GRIA1: variants seen among roughly 807,000 people sequenced by gnomAD.
The protein encoded by GRIA1 is glutamate ionotropic receptor AMPA type subunit 1.
A neutral mutation model predicts 99.2 loss-of-function variants in GRIA1; 31 were observed. That is an observed-to-expected ratio of 0.31 (90% CI 0.23 to 0.42). The LOEUF (loss-of-function observed/expected upper bound fraction) is 0.42. Ranked by LOEUF, GRIA1 falls within the 10% of genes least tolerant of loss-of-function variation. GRIA1 has a pLI of 1.00. For synonymous variants in GRIA1, 438 were observed against 432.4 expected (o/e 1.01, Z -0.16); for missense variants, 782 against 1,157.5 (o/e 0.68, Z 4.71).
intron 2 of GRIA1, among the ~76,000 whole-genome samples, chr5:153,636,407 A>G (rs1337832981): frequency 1.3e-5 from 2 of 152,244 alleles, no homozygotes; most frequent in Non-Finnish European, 1.5e-5. Flanking sequence ...GGCCAAAGCC[A>G]GCCCAAGGCC....
At chr5:153,748,814 T>C (rs1171255473) in intron 11 of GRIA1, among the ~76,000 whole-genome samples, 1 of 152,172 alleles carries the variant, frequency 6.6e-6, no homozygotes, top group Non-Finnish European at 1.5e-5. Flanking sequence ...CTTCTATTTA[T>C]TTGCACATTT....
intron 2 of GRIA1, among the ~76,000 whole-genome samples, chr5:153,529,004 G>A (rs1390894938): frequency 1.3e-5 from 2 of 152,188 alleles, no homozygotes; most frequent in Non-Finnish European, 2.9e-5. Flanking sequence ...TTGATTAGTG[G>A]TATCCTGACT....
chr5:153,673,781 A>G (rs1029346238), intron 5 of GRIA1, among the ~76,000 whole-genome samples: 3 of 152,248 alleles, frequency 2.0e-5, no homozygotes, highest in Admixed American at 1.3e-4. Flanking sequence ...TTCCTTTTAC[A>G]GTCGAAGCCT....
intron 2 of GRIA1, among the ~76,000 whole-genome samples, chr5:153,578,148 CAAAAAAAAAA>C (rs60901793): frequency 2.9e-4 from 20 of 69,322 alleles, no homozygotes; most frequent in South Asian, 2.7e-3. Flanking sequence ...GAGACTCTGT[CAAAAAAAAAA>C]AAAAAAAAAA....
chr5:153,540,362 GCCCTGGATT>G (rs1468210564), intron 2 of GRIA1, among the ~76,000 whole-genome samples: 1 of 152,212 alleles, frequency 6.6e-6, no homozygotes, highest in Admixed American at 6.5e-5. Flanking sequence ...TATCCTGGAT[GCCCTGGATT>G]GAGATCTGAG....
At chr5:153,586,438 C>A (rs1465726753) in intron 2 of GRIA1, among the ~76,000 whole-genome samples, 2 of 152,206 alleles carry the variant, frequency 1.3e-5, no homozygotes, top group Non-Finnish European at 2.9e-5. Flanking sequence ...CAAGCTCACA[C>A]AGTCAGTGCA....
chr5:153,798,914 C>G (rs988509118), intron 14 of GRIA1, among the ~76,000 whole-genome samples: 1 of 152,124 alleles, frequency 6.6e-6, no homozygotes, highest in Non-Finnish European at 1.5e-5. Flanking sequence ...TTAAGGAGAA[C>G]AGATGAGTGG....
intron 2 of GRIA1, among the ~76,000 whole-genome samples, chr5:153,571,557 A>T (rs1360822122): frequency 6.6e-6 from 1 of 152,214 alleles, no homozygotes; most frequent in Admixed American, 6.5e-5. Context: ...TAAAAATGTT[A>T]AAACTATACA....
intron 15 of GRIA1, among the ~76,000 whole-genome samples, chr5:153,805,239 T>G (rs2149676640): frequency 6.6e-6 from 1 of 152,348 alleles, no homozygotes; most frequent in Non-Finnish European, 1.5e-5. Flanking sequence ...AGTGGCCAGA[T>G]ACATCCTCCT....
intron 2 of GRIA1, among the ~76,000 whole-genome samples, chr5:153,523,855 CACCAGCCACTCT>C (rs1757375282): frequency 6.6e-6 from 1 of 152,168 alleles, no homozygotes; most frequent in Non-Finnish European, 1.5e-5. Flanking sequence ...TATTAGTAAT[CACCAGCCACTCT>C]TACTGCATGC....
Position 153,677,038 on chromosome 5 carries a change from G to T in GRIA1, c.906G>T (p.Glu302Asp). 6.4e-7 allele frequency: 1 copy of T among 1,566,994 alleles called. No individual in the cohort carries two copies. The highest frequency in any genetic ancestry group is 8.7e-7 in the Non-Finnish European group (1 of 1,152,066). The change falls in exon 7 of 16, where the codon GAG (glutamate) becomes GAT (aspartate). Residue 302 changes from glutamate (E) to aspartate (D), a missense_variant. Transcript: ENST00000285900. The stretch of plus-strand genomic sequence containing the variant: ...ACGATGGGGTGAAGGTGATGGCTGA[G>T]GCTTTCCAGAGCCTGCGGAGGCAGA... Reference protein sequence around the residue: ...LTYDGVKVMAEAFQSLRRQRI... With the variant: ...LTYDGVKVMADAFQSLRRQRI...
chr5:153,537,516 TG>T (rs1226479163), intron 2 of GRIA1, among the ~76,000 whole-genome samples: 1 of 152,218 alleles, frequency 6.6e-6, no homozygotes, highest in African/African-American at 2.4e-5. Flanking sequence ...GGTCCCTTTC[TG>T]CGCTGCTGCC....
chr5:153,735,806 A>C (rs1459104348), intron 11 of GRIA1, among the ~76,000 whole-genome samples: 3 of 152,196 alleles, frequency 2.0e-5, no homozygotes, highest in African/African-American at 7.2e-5. Context: ...GAGAACAGTT[A>C]ATGTTTTAGG....
At position 153,507,764 on chromosome 5, in the gene GRIA1, C is replaced by G. The variant is rs552100927; in HGVS notation, c.220+13699C>G. 8.5e-5 allele frequency among the ~76,000 whole-genome samples: 13 copies of G among 152,296 alleles called. 1 individual carries two copies. Among genetic ancestry groups the G allele is most frequent in the African/African-American group, 3.1e-4 (13 of 41,566 alleles). Reference sequence around the variant, plus strand: ...TCTTGTCTCAAAAAAATATCAGTGGCTTCCCATCTTATTTTAAGTTCAAAC... The same window carrying G: ...TCTTGTCTCAAAAAAATATCAGTGGGTTCCCATCTTATTTTAAGTTCAAAC... On this transcript the variant is annotated intron_variant, in intron 2 of 15. Coordinates refer to ENST00000285900, the MANE Select transcript of GRIA1 (RefSeq NM_000827.4).
chr5:153,811,411 T>C lies in GRIA1; in HGVS notation c.*186T>C, dbSNP rs1766814066. 5.2e-6 allele frequency: 3 copies of C among 571,462 alleles called. No homozygotes were observed. Among genetic ancestry groups the C allele is most frequent in the African/African-American group, 1.9e-5 (1 of 53,290 alleles). 35.4% of individuals were successfully genotyped at this position (571,462 alleles called of 1,614,324 possible). ...CCATTTTGCTGTCCCTTTTCCTTTT[T>C]TGATGTTCTTTCACCCTTTTCTGTT... On this transcript the variant is annotated 3_prime_UTR_variant, in exon 16 of 16. Coordinates refer to ENST00000285900, the MANE Select transcript of GRIA1 (RefSeq NM_000827.4).
At chr5:153,500,830 G>A (rs1398198445) in intron 2 of GRIA1, among the ~76,000 whole-genome samples, 9 of 152,114 alleles carry the variant, frequency 5.9e-5, no homozygotes, top group African/African-American at 2.2e-4. Context: ...GTTTGATGCA[G>A]TAAATAGCAT....
At chr5:153,642,588 A>T (rs1232287439) in intron 2 of GRIA1, among the ~76,000 whole-genome samples, 1 of 151,132 alleles carries the variant, frequency 6.6e-6, no homozygotes, top group Non-Finnish European at 1.5e-5. Context: ...GTGAGCCATG[A>T]TGGCACCACT....
chr5:153,605,004 C>T (rs137876969), intron 2 of GRIA1, among the ~76,000 whole-genome samples: 59 of 152,074 alleles, frequency 3.9e-4, no homozygotes, highest in East Asian at 3.1e-3. Flanking sequence ...CTGACCAACA[C>T]GGCAAAACCC....
At chr5:153,578,889 C>T (rs1199024993) in intron 2 of GRIA1, among the ~76,000 whole-genome samples, 1 of 152,068 alleles carries the variant, frequency 6.6e-6, no homozygotes, top group Non-Finnish European at 1.5e-5. Context: ...GCCTGGGTGA[C>T]AGAGGGAGAC....
Sources: allele counts gnomAD v4.1 joint callset (sites outside exome capture counted in the v4.1 genomes callset), GRCh38; gene constraint gnomAD v4.1.1; transcripts MANE v1.5; gene names NCBI Gene and HGNC (gene_info 2026-07-23, HGNC 2026-07-21).